Variants in CELF2 observed in about 807,000 individuals in gnomAD.
CELF2 encodes the protein CUGBP Elav-like family member 2.
Under a neutral mutation model 62.6 loss-of-function variants are expected in CELF2, and 8 were observed. The observed-to-expected ratio is 0.13, with a 90% CI of 0.07 to 0.23. The LOEUF (loss-of-function observed/expected upper bound fraction) is 0.23. CELF2 is among the 10% of genes least tolerant of loss of function. The probability of loss-of-function intolerance (pLI) is 1.00; values close to 1 mark genes in which losing one functional copy is unlikely to be tolerated. For missense variants in CELF2, 333 were observed against 671.0 expected (o/e 0.50, Z 5.56); for synonymous variants, 258 against 250.0 (o/e 1.03, Z -0.30).
chr10:10,547,702 T>A, the CELF2 span, among the ~76,000 whole-genome samples: 2,549 of 141,232 alleles, frequency 0.018, 72 homozygotes, highest in African/African-American at 0.064. Flanking sequence ...AGTGTGTGTG[T>A]GTGTGTGTGT....
At chr10:10,801,691 C>T (rs1260973148) in intron 1 of CELF2, among the ~76,000 whole-genome samples, 6 of 152,116 alleles carry the variant, frequency 3.9e-5, no homozygotes, top group African/African-American at 1.2e-4. Flanking sequence ...TATTACAAGG[C>T]AAAAAGGCCT....
the CELF2 span, among the ~76,000 whole-genome samples, chr10:10,574,381 G>A: frequency 6.6e-6 from 1 of 152,180 alleles, no homozygotes; most frequent in East Asian, 1.9e-4. Flanking sequence ...TGCCGTGCTG[G>A]GCAGGAAGAG....
At chr10:10,869,380 A>G (rs2060587528) in intron 1 of CELF2, among the ~76,000 whole-genome samples, 1 of 152,186 alleles carries the variant, frequency 6.6e-6, no homozygotes, top group Middle Eastern at 3.4e-3. Flanking sequence ...TGGCCAACAC[A>G]GTGAAACCCC....
the CELF2 span, among the ~76,000 whole-genome samples, chr10:10,650,658 T>C: frequency 6.6e-6 from 1 of 152,162 alleles, no homozygotes; most frequent in African/African-American, 2.4e-5. Flanking sequence ...ATGGCTATCA[T>C]GAAAAAGACA....
chr10:10,539,464 T>A, the CELF2 span, among the ~76,000 whole-genome samples: 3 of 26,434 alleles, frequency 1.1e-4, no homozygotes, highest in Admixed American at 4.8e-4. Context: ...CACCCCCACC[T>A]CTGTGCTACT....
the CELF2 span, among the ~76,000 whole-genome samples, chr10:10,625,638 G>A: frequency 6.6e-6 from 1 of 151,354 alleles, no homozygotes; most frequent in Non-Finnish European, 1.5e-5. Flanking sequence ...TTACAACTCA[G>A]GCTGAGTTTA....
chr10:10,879,502 A>G (rs1483699944), intron 1 of CELF2, among the ~76,000 whole-genome samples: 1 of 152,206 alleles, frequency 6.6e-6, no homozygotes, highest in East Asian at 1.9e-4. Flanking sequence ...CAGAATTACA[A>G]ATAAAATAGG....
At chr10:10,547,656 T>A in the CELF2 span, among the ~76,000 whole-genome samples, 1 of 148,422 alleles carries the variant, frequency 6.7e-6, no homozygotes, top group Admixed American at 6.8e-5. Flanking sequence ...TGTCTTGTTC[T>A]TACAACACCA....
At chr10:11,181,687 T>C (rs1487742443) in intron 2 of CELF2, among the ~76,000 whole-genome samples, 1 of 152,264 alleles carries the variant, frequency 6.6e-6, no homozygotes, top group Non-Finnish European at 1.5e-5. Flanking sequence ...TGTGCCATTC[T>C]GCAGTTGCAT....
chr10:11,103,508 A>G (rs1436695983), intron 1 of CELF2, among the ~76,000 whole-genome samples: 1 of 32,562 alleles, frequency 3.1e-5, no homozygotes, highest in Non-Finnish European at 5.2e-5. Context: ...TTTTTTTTTT[A>G]CTGTGAACTC....
At chr10:10,925,019 A>G (rs1181750837) in intron 2 of CELF2, 1 of 152,158 alleles carries the variant, frequency 6.6e-6, no homozygotes, top group African/African-American at 2.4e-5. Flanking sequence ...AGCTGACAAT[A>G]TTTCTCAGTC....
At chr10:10,590,503 A>G in the CELF2 span, among the ~76,000 whole-genome samples, 1 of 152,216 alleles carries the variant, frequency 6.6e-6, no homozygotes, top group Non-Finnish European at 1.5e-5. Context: ...TAAGTGGTGT[A>G]ATCAAAGACG....
intron 1 of CELF2, among the ~76,000 whole-genome samples, chr10:11,099,553 A>G (rs1296436260): frequency 6.6e-6 from 1 of 152,220 alleles, no homozygotes; most frequent in African/African-American, 2.4e-5. Flanking sequence ...TCATGAGCAT[A>G]GAATTCCCGA....
the CELF2 span, among the ~76,000 whole-genome samples, chr10:10,728,057 G>C: frequency 4.0e-5 from 6 of 151,578 alleles, no homozygotes; most frequent in South Asian, 1.3e-3. Flanking sequence ...GAAGAGAGAG[G>C]GTTGGGGAAG....
intron 1 of CELF2, among the ~76,000 whole-genome samples, chr10:10,896,017 TA>T (rs1282842881): frequency 6.6e-6 from 1 of 152,182 alleles, no homozygotes; most frequent in Non-Finnish European, 1.5e-5. Flanking sequence ...AGGAGAGTAC[TA>T]GAGAGCTGAG....
chr10:10,766,450 A>G, the CELF2 span, among the ~76,000 whole-genome samples: 3 of 152,192 alleles, frequency 2.0e-5, no homozygotes, highest in Non-Finnish European at 4.4e-5. Context: ...TTTGGAGAAG[A>G]TGTGTGTTCC....
intron 2 of CELF2, among the ~76,000 whole-genome samples, chr10:10,956,341 G>A (rs550734542): frequency 6.6e-5 from 10 of 152,328 alleles, no homozygotes; most frequent in African/African-American, 2.4e-4. Flanking sequence ...TGGAGAAAAT[G>A]CTTTCCTGTC....
intron 4 of CELF2, 110 bp downstream of exon 4, chr10:11,249,311 G>A: frequency 1.2e-6 from 1 of 831,666 alleles, no homozygotes; most frequent in East Asian, 2.5e-5. Flanking sequence ...CTAGAGGACA[G>A]AGAGCGCTGC....
intron 1 of CELF2, among the ~76,000 whole-genome samples, chr10:11,154,630 A>G (rs1440024376): frequency 6.6e-6 from 1 of 152,218 alleles, no homozygotes; most frequent in Non-Finnish European, 1.5e-5. Flanking sequence ...TTGTGTCCAG[A>G]CAGGAAAATT....
Sources: allele counts gnomAD v4.1 joint callset (sites outside exome capture counted in the v4.1 genomes callset), GRCh38; gene constraint gnomAD v4.1.1; transcripts MANE v1.5; gene names NCBI Gene and HGNC (gene_info 2026-07-23, HGNC 2026-07-21).